The following SLC12A9 variants were observed in gnomAD, a reference collection of about 807,000 sequenced individuals.
The protein encoded by SLC12A9 is solute carrier family 12 member 9, also known as CCC-interacting protein 1.
In SLC12A9, 55 loss-of-function variants were observed where a neutral mutation model predicts 66.0. The observed-to-expected ratio is 0.83, with a 90% confidence interval of 0.67 to 1.04. The LOEUF (loss-of-function observed/expected upper bound fraction) is 1.04. Ranked by LOEUF, SLC12A9 falls within the 50% of genes least tolerant of loss-of-function variation. The pLI, the probability that SLC12A9 is intolerant of heterozygous loss-of-function variation, is 0.00. For missense variants in SLC12A9, 1,061 were observed against 1,241.9 expected (o/e 0.85, Z 2.19); for synonymous variants, 577 against 569.0 (o/e 1.01, Z -0.20).
upstream of SLC12A9, among the ~76,000 whole-genome samples, chr7:100,849,961 A>G (rs1176093393): frequency 2.0e-5 from 3 of 150,858 alleles, no homozygotes; most frequent in Non-Finnish European, 4.4e-5. Flanking sequence ...CAACCTCTGC[A>G]TCCCAGGTTC....
At chr7:100,840,452 C>A (rs1382109722) in intron 1 of SLC12A9, among the ~76,000 whole-genome samples, 2 of 152,086 alleles carry the variant, frequency 1.3e-5, no homozygotes, top group African/African-American at 2.4e-5. Context: ...AGCCAGGGAA[C>A]CCAGACCAGT....
At chr7:100,842,736 CA>C (rs1369998405) in intron 1 of SLC12A9, among the ~76,000 whole-genome samples, 1 of 152,248 alleles carries the variant, frequency 6.6e-6, no homozygotes, top group East Asian at 1.9e-4. Flanking sequence ...GCACATTAAA[CA>C]AAAGCAATTG....
At chr7:100,862,531 C>T (rs537487037) in intron 12 of SLC12A9, 150 bp from the exon 13 acceptor site, 2 of 921,146 alleles carry the variant, frequency 2.2e-6, no homozygotes, top group South Asian at 1.7e-5. Context: ...CAGGCATGAG[C>T]CCCGACACCA....
At chr7:100,827,039 C>G in exon 1 of SLC12A9, 1 of 1,579,376 alleles carries the variant, frequency 6.3e-7, no homozygotes, top group South Asian at 1.2e-5. Flanking sequence ...ATGGCGCCGC[C>G]TCACTCGGGT....
chr7:100,858,040 C>T (rs2720393), intron 5 of SLC12A9: 33,483 of 151,404 alleles, frequency 0.22, 4,730 homozygotes, highest in Non-Finnish European at 0.32. Context: ...CTCTTGAACC[C>T]GGGAGGCAGA....
intron 12 of SLC12A9, among the ~76,000 whole-genome samples, chr7:100,862,295 G>C (rs2116636211): frequency 6.6e-6 from 1 of 152,124 alleles, no homozygotes; most frequent in South Asian, 2.1e-4. Flanking sequence ...GTCTTGCTCT[G>C]TCACCCAGGC....
intron 1 of SLC12A9, among the ~76,000 whole-genome samples, chr7:100,845,704 C>G (rs1813895492): frequency 1.3e-5 from 2 of 152,126 alleles, no homozygotes; most frequent in African/African-American, 4.8e-5. Context: ...AGGCCAACTC[C>G]TAGGCTTCCC....
At chr7:100,827,112 G>A (rs1813428007) in intron 1 of SLC12A9, 1 of 1,462,228 alleles carries the variant, frequency 6.8e-7, no homozygotes, top group Admixed American at 2.2e-5. Context: ...TGGGCGGGTG[G>A]ACGCCGATAC....
chr7:100,861,765 TC>T lies in SLC12A9; in HGVS notation c.1567del (p.Arg523GlyfsTer5). The T allele has an allele frequency of 6.2e-7, 1 of 1,614,128 alleles. No homozygotes were observed. Among genetic ancestry groups the T allele is most frequent in the Non-Finnish European group, 8.5e-7 (1 of 1,179,998 alleles). On this transcript the variant is annotated frameshift_variant, in exon 12 of 14. Transcript: ENST00000354161. LOFTEE classifies it high-confidence loss of function. This position sits in a 1 kb window ranked among gnomAD's most constrained non-coding sequence, Gnocchi z 5.3. ...QVRKYLLRLD[V>X]RKDHVKFWRP... ...CGTAAGTATCTGCTTCGGCTGGACG[TC>T]CGGAAGGATCACGTGAAGTTCTGGC...
At chr7:100,839,084 G>A (rs1284819862) in intron 1 of SLC12A9, among the ~76,000 whole-genome samples, 1 of 152,102 alleles carries the variant, frequency 6.6e-6, no homozygotes. Context: ...AGCGCTTTGG[G>A]AGGCCGAGGC....
chr7:100,858,966 C>T (rs112681063), intron 6 of SLC12A9, 24 bp downstream of exon 6: 7 of 1,613,554 alleles, frequency 4.3e-6, no homozygotes, highest in East Asian at 2.2e-5. Flanking sequence ...CCTGCTGCCT[C>T]CTGGGGGTTT....
chr7:100,838,677 G>A (rs772449307), intron 1 of SLC12A9, among the ~76,000 whole-genome samples: 4 of 151,984 alleles, frequency 2.6e-5, no homozygotes, highest in African/African-American at 7.2e-5. Flanking sequence ...GCACCACGCC[G>A]GCTAATTTTT....
rs1451795892 is a variant in SLC12A9 at position 100,860,540 on chromosome 7, T to A, written c.1218+308T>A. 72 of 406,528 alleles carry A rather than the reference T, an allele frequency of 1.8e-4. 1 individual carries two copies. Among genetic ancestry groups the A allele is most frequent in the Non-Finnish European group, 2.6e-4 (58 of 221,856 alleles). The allele number at this position is 406,528 out of a possible 1,614,324, so 25.2% of individuals were successfully genotyped here. A position where few individuals can be genotyped will look rare whatever the true frequency, so the allele number is the denominator to read the frequency against. ...AGTATTTTTCAGTATTCACTGGCAC[T>A]TTGTGGGGTGCCCCAGCACTTTGAG... On this transcript the variant is annotated intron_variant, in intron 9 of 13. Coordinates refer to ENST00000354161, the MANE Select transcript of SLC12A9 (RefSeq NM_020246.4).
exon 1 of SLC12A9, chr7:100,826,877 G>A: frequency 1.5e-6 from 2 of 1,372,366 alleles, no homozygotes; most frequent in Non-Finnish European, 2.0e-6. Context: ...GCAGTGCCCG[G>A]GTAGGGGTAG....
At position 100,858,890 on chromosome 7, in the gene SLC12A9, T is replaced by C; in HGVS notation, c.813T>C (p.Phe271=). 6.2e-7 allele frequency: 1 copy of C among 1,614,212 alleles called. No individual in the cohort carries two copies. ...TGAVMNFASV[F]AVLFNGCTGI... The stretch of plus-strand genomic sequence containing the variant: ...CCGTGATGAATTTTGCCAGCGTCTT[T>C]GCTGTCCTCTTTAACGGCTGTACAG... The change falls in exon 6 of 14, where the codon TTT becomes TTC. Residue 271 remains phenylalanine, a synonymous_variant. Coordinates refer to ENST00000354161, the MANE Select transcript of SLC12A9 (RefSeq NM_020246.4).
chr7:100,862,907 G>A (rs1032508463), intron 13 of SLC12A9, 80 bp downstream of exon 13: 1 of 1,556,660 alleles, frequency 6.4e-7, no homozygotes, highest in Non-Finnish European at 8.8e-7. Flanking sequence ...TAGAGAGTCA[G>A]CCACAGATTG....
chr7:100,835,295 C>G (rs1490288850), intron 1 of SLC12A9, among the ~76,000 whole-genome samples: 1 of 147,898 alleles, frequency 6.8e-6, no homozygotes, highest in East Asian at 2.0e-4. Context: ...GTAGAGGTTG[C>G]AGTGAGCTGA....
At chr7:100,828,722 T>C (rs1813481193) in intron 1 of SLC12A9, among the ~76,000 whole-genome samples, 1 of 152,056 alleles carries the variant, frequency 6.6e-6, no homozygotes, top group Non-Finnish European at 1.5e-5. Context: ...CTGTCTTTCC[T>C]GAGCTGTTTC....
intron 5 of SLC12A9, 154 bp from the exon 6 acceptor site, chr7:100,858,681 G>T: frequency 6.1e-6 from 4 of 654,498 alleles, no homozygotes. Context: ...GTGTCTGGCT[G>T]ACCCAGGGCC....
Sources: gnomAD v4.1 joint callset for allele counts (sites outside exome capture counted in the v4.1 genomes callset) on GRCh38, gnomAD v4.1.1 for gene constraint, Gnocchi (gnomAD v3.1) non-coding constraint, MANE v1.5 for transcripts, NCBI Gene and HGNC (gene_info 2026-07-23, HGNC 2026-07-21) for gene names.